Variants in DROSHA observed in about 807,000 individuals in gnomAD.
The protein encoded by DROSHA is ribonuclease 3.
Under a neutral mutation model 181.9 loss-of-function variants are expected in DROSHA, and 56 were observed. That is an observed-to-expected ratio of 0.31 (90% confidence interval 0.25 to 0.38). The LOEUF is 0.38. Among genes scored for constraint, DROSHA ranks in the 10% least tolerant of loss-of-function variants. DROSHA has a pLI of 1.00. For missense variants in DROSHA, 1,218 were observed against 1,743.5 expected (o/e 0.70, Z 5.37); for synonymous variants, 524 against 591.2 (o/e 0.89, Z 1.65).
chr5:31,511,257 A>G, intron 8 of DROSHA, 81 bp from the exon 9 acceptor site: 1 of 1,361,950 alleles, frequency 7.3e-7, no homozygotes, highest in Non-Finnish European at 1.0e-6. Context: ...ACAGGTAATC[A>G]AAGCATTTTT....
At chr5:31,435,690 C>A in intron 25 of DROSHA, 75 bp downstream of exon 25, 1 of 1,364,152 alleles carries the variant, frequency 7.3e-7, no homozygotes, top group South Asian at 1.2e-5. Flanking sequence ...GTTACTTATT[C>A]AAATGCAAAA....
chr5:31,446,914 C>A lies in DROSHA; in HGVS notation c.2882+1633G>T, dbSNP rs185996641. The stretch of plus-strand genomic sequence containing the variant: ...AATTAGCCAGGCATGCTGGCGCACA[C>A]CTGTAATCCCAGCTACTCAGGTGTC... On this transcript the variant is annotated intron_variant, in intron 23 of 35. Transcript: ENST00000344624. 1.1e-4 allele frequency among the ~76,000 whole-genome samples: 17 copies of A among 152,288 alleles called. No homozygotes were observed. In the East Asian group the frequency reaches 3.3e-3, roughly 29 times the overall value.
intron 16 of DROSHA, among the ~76,000 whole-genome samples, chr5:31,479,832 T>C (rs906520809): frequency 6.6e-6 from 1 of 152,092 alleles, no homozygotes; most frequent in Non-Finnish European, 1.5e-5. Context: ...TATATACATA[T>C]TTTTCTGTTA....
At chr5:31,438,870 C>A (rs1343226065) in intron 23 of DROSHA, among the ~76,000 whole-genome samples, 2 of 151,890 alleles carry the variant, frequency 1.3e-5, no homozygotes, top group Non-Finnish European at 2.9e-5. Flanking sequence ...GAAGACCTGG[C>A]CAGGGAGGTA....
intron 10 of DROSHA, chr5:31,505,594 G>T (rs1737836753): frequency 6.6e-6 from 1 of 152,222 alleles, no homozygotes; most frequent in African/African-American, 2.4e-5. Context: ...CTCTGGTATA[G>T]ATGGTAATAC....
chr5:31,505,611 A>G (rs1400333847), intron 10 of DROSHA: 1 of 152,226 alleles, frequency 6.6e-6, no homozygotes, highest in Non-Finnish European at 1.5e-5. Flanking sequence ...ATACTGAATC[A>G]AAAACAAGAC....
At chr5:31,449,509 C>G (rs2150014216) in intron 21 of DROSHA, 90 bp from the exon 22 acceptor site, 1 of 1,402,754 alleles carries the variant, frequency 7.1e-7, no homozygotes, top group East Asian at 2.5e-5. Context: ...GGAGGGACCA[C>G]TTTAGCCCAG....
chr5:31,529,748 C>CAAAAAAAAAAAAAAAAAAA (rs60599492), intron 3 of DROSHA, among the ~76,000 whole-genome samples: 1 of 125,900 alleles, frequency 7.9e-6, no homozygotes, highest in African/African-American at 3.0e-5. Context: ...AAAAAAAAAA[C>CAAAAAAAAAAAAAAAAAAA]AAAAAAAAAA....
At chr5:31,484,380 CAAAAAA>C (rs377304788) in intron 15 of DROSHA, among the ~76,000 whole-genome samples, 1 of 82,988 alleles carries the variant, frequency 1.2e-5, no homozygotes, top group African/African-American at 6.0e-5. Flanking sequence ...GACTCCGTCT[CAAAAAA>C]AAAAAAAAAA....
Position 31,427,706 on chromosome 5 carries a change from C to A in DROSHA, c.3216+1769G>T, listed in dbSNP as rs1034322882. Among the ~76,000 whole-genome samples, 8 of 152,192 alleles carry A rather than the reference C, an allele frequency of 5.3e-5. No individual in the cohort carries two copies. The East Asian group carries it at 1.5e-3, about 29-fold the overall frequency. On this transcript the variant is annotated intron_variant, in intron 27 of 35. Coordinates refer to ENST00000344624, the MANE Select transcript of DROSHA (RefSeq NM_001382508.1). ...CTCACAAAGGATGTCTCTCTCCACCCCCACAACACAGCCAATCAACCTGAC... is the reference window on the plus strand; with the variant it reads ...CTCACAAAGGATGTCTCTCTCCACCACCACAACACAGCCAATCAACCTGAC...
chr5:31,439,862 C>T (rs1745358628), intron 23 of DROSHA, among the ~76,000 whole-genome samples: 1 of 152,126 alleles, frequency 6.6e-6, no homozygotes, highest in Admixed American at 6.6e-5. Context: ...GGAGGACACG[C>T]AGAGCCCATG....
intron 20 of DROSHA, among the ~76,000 whole-genome samples, chr5:31,451,850 G>A (rs1019059891): frequency 6.6e-6 from 1 of 152,126 alleles, no homozygotes; most frequent in Admixed American, 6.6e-5. Flanking sequence ...AGAATGCCTG[G>A]GTCTAAATCC....
At chr5:31,471,883 C>T (rs968878698) in intron 17 of DROSHA, among the ~76,000 whole-genome samples, 180 bp downstream of exon 17, 2 of 152,186 alleles carry the variant, frequency 1.3e-5, no homozygotes, top group Admixed American at 1.3e-4. Context: ...GAATTTACGA[C>T]CAAATATGCC....
chr5:31,452,964 C>CCAAA (rs1446971991), intron 20 of DROSHA, among the ~76,000 whole-genome samples: 5 of 152,152 alleles, frequency 3.3e-5, no homozygotes, highest in Non-Finnish European at 7.3e-5. Flanking sequence ...ACATGCACAA[C>CCAAA]CAAAGTCTAA....
chr5:31,421,917 C>CGTGTGTGTGTGTGTGTGTCTGTGT, intron 29 of DROSHA: 1 of 75,194 alleles, frequency 1.3e-5, no homozygotes, highest in African/African-American at 6.2e-5. Context: ...AAAAATTAGC[C>CGTGTGTGTGTGTGTGTGTCTGTGT]GTGTGTGTGT....
intron 20 of DROSHA, among the ~76,000 whole-genome samples, chr5:31,458,250 C>A (rs558816545): frequency 1.3e-5 from 2 of 152,200 alleles, no homozygotes; most frequent in African/African-American, 4.8e-5. Flanking sequence ...TGGGATGTAA[C>A]CCCATTGTAA....
Position 31,514,953 on chromosome 5 carries a change from C to A in DROSHA, c.1290+35G>T. 1.3e-6 allele frequency: 2 copies of A among 1,597,048 alleles called. No homozygotes were observed. The highest frequency in any genetic ancestry group is 1.7e-6 in the Non-Finnish European group (2 of 1,167,692). On this transcript the variant is annotated intron_variant, in intron 8 of 35. Coordinates refer to ENST00000344624, the MANE Select transcript of DROSHA (RefSeq NM_001382508.1). This position sits in a 1 kb window ranked among gnomAD's most constrained non-coding sequence, Gnocchi z 4.4. ...GCCAATAGTGACAACGCCGAGAAGC[C>A]CTAGTCTACAGCTTGTCTGCTACTT...
At chr5:31,513,483 A>G (rs1738926451) in intron 8 of DROSHA, among the ~76,000 whole-genome samples, 1 of 152,190 alleles carries the variant, frequency 6.6e-6, no homozygotes. Context: ...CAACATGAGA[A>G]GCATGGAATA....
rs544610423 is a variant in DROSHA, at chr5:31,409,420, T to C, written c.3668-88A>G. On this transcript the variant is annotated intron_variant, in intron 31 of 35. Coordinates refer to ENST00000344624, the MANE Select transcript of DROSHA (RefSeq NM_001382508.1). The surrounding 1 kb of genome is among the most constrained non-coding windows in gnomAD (Gnocchi z 4.0). ...AGACCTAGACCTTTAAGCAAAATTT[T>C]AGTAATAGTTTCAACTTCCAGGCCC... The C allele has an allele frequency of 9.8e-6, 12 of 1,227,872 alleles. No homozygotes were observed. The highest frequency in any genetic ancestry group is 8.7e-5 in the South Asian group (6 of 68,608). The allele number at this position is 1,227,872 out of a possible 1,614,324, so 76.1% of individuals were successfully genotyped here. A position where few individuals can be genotyped will look rare whatever the true frequency, so the allele number is the denominator to read the frequency against.
Sources: gnomAD v4.1 joint callset for allele counts (sites outside exome capture counted in the v4.1 genomes callset) on GRCh38, gnomAD v4.1.1 for gene constraint, Gnocchi (gnomAD v3.1) non-coding constraint, MANE v1.5 for transcripts, NCBI Gene and HGNC (gene_info 2026-07-23, HGNC 2026-07-21) for gene names.